The following CDH23 variants were observed in gnomAD, a reference collection of about 807,000 sequenced individuals.
CDH23 encodes cadherin related 23, also known as cadherin-23.
Under a neutral mutation model 317.1 loss-of-function variants are expected in CDH23, and 189 were observed. The ratio of observed to expected loss-of-function variants is 0.60; its 90% CI spans 0.53 to 0.67. The LOEUF is 0.67. Ranked by LOEUF, CDH23 falls within the 30% of genes least tolerant of loss-of-function variation. The pLI is 0.00. For synonymous variants in CDH23, 1,839 were observed against 1,876.8 expected (o/e 0.98, Z 0.52); for missense variants, 4,401 against 4,592.4 (o/e 0.96, Z 1.20).
intron 3 of CDH23, among the ~76,000 whole-genome samples, chr10:71,448,991 G>C (rs1381431492): frequency 6.6e-6 from 1 of 152,224 alleles, no homozygotes; most frequent in African/African-American, 2.4e-5. Flanking sequence ...TGGCTCTCAT[G>C]AACTGTTCAC....
chr10:71,595,547 G>T (rs1859783094), intron 9 of CDH23, among the ~76,000 whole-genome samples: 2 of 152,304 alleles, frequency 1.3e-5, no homozygotes, highest in South Asian at 4.1e-4. Context: ...GGGTTCACAA[G>T]TATTTGTCTC....
chr10:71,778,210 G>C lies in CDH23; in HGVS notation c.5089G>C (p.Glu1697Gln). 1 of 1,613,862 alleles carries C rather than the reference G, an allele frequency of 6.2e-7. No homozygotes were observed. Among genetic ancestry groups the C allele is most frequent in the Non-Finnish European group, 8.5e-7 (1 of 1,179,836 alleles). Residue 1697 changes from glutamate to glutamine, a missense_variant, in exon 40 of 70, where the codon GAG (glutamate) becomes CAG (glutamine). Glu to Gln is a conservative substitution (Grantham distance 29, BLOSUM62 2). This residue lies in a region of CDH23 where 3,068 missense variants were observed against 3,203.3 expected (regional missense o/e 0.96). Coordinates refer to ENST00000224721, the MANE Select transcript of CDH23 (RefSeq NM_022124.6). Reference sequence around the variant, plus strand: ...CCAGGGTGTCATCACTGCTGCCAAAGAGCTGGACTACGAGATCAGCCACGG... The same window carrying C: ...CCAGGGTGTCATCACTGCTGCCAAACAGCTGGACTACGAGATCAGCCACGG... ...RHMGVITAAK[E>Q]LDYEISHGRY...
chr10:71,484,431 A>G (rs945441006), intron 3 of CDH23, among the ~76,000 whole-genome samples: 3 of 152,152 alleles, frequency 2.0e-5, no homozygotes, highest in Non-Finnish European at 4.4e-5. Context: ...GGGCCGCAGG[A>G]TCACCTTTTT....
chr10:71,565,715 C>A (rs941483018), intron 6 of CDH23, among the ~76,000 whole-genome samples: 1 of 152,166 alleles, frequency 6.6e-6, no homozygotes, highest in African/African-American at 2.4e-5. Context: ...CACTCATGAT[C>A]TTATGTATTC....
intron 3 of CDH23, among the ~76,000 whole-genome samples, chr10:71,482,592 C>A (rs1852127107): frequency 6.6e-6 from 1 of 152,186 alleles, no homozygotes; most frequent in Non-Finnish European, 1.5e-5. Context: ...TGCCAGTGCT[C>A]AGGACCACCT....
chr10:71,667,628 G>A (rs1393492945), intron 14 of CDH23, among the ~76,000 whole-genome samples: 1 of 152,026 alleles, frequency 6.6e-6, no homozygotes, highest in African/African-American at 2.4e-5. Context: ...GAGATGACAC[G>A]AAGACACACA....
chr10:71,743,060 G>A (rs528105520), intron 38 of CDH23, among the ~76,000 whole-genome samples: 4 of 152,316 alleles, frequency 2.6e-5, no homozygotes, highest in Admixed American at 6.5e-5. Context: ...CAGCAGAGGC[G>A]TGCAAGGCCT....
intron 38 of CDH23, among the ~76,000 whole-genome samples, chr10:71,764,470 T>C (rs1427834293): frequency 3.3e-5 from 5 of 152,200 alleles, no homozygotes; most frequent in African/African-American, 9.7e-5. Flanking sequence ...TTTCATTGGA[T>C]CCTCAAAATC....
chr10:71,632,144 ATAAAC>A (rs1862042739), intron 11 of CDH23, among the ~76,000 whole-genome samples: 3 of 152,234 alleles, frequency 2.0e-5, no homozygotes, highest in Admixed American at 1.3e-4. Context: ...AATTAAGAAA[ATAAAC>A]TATAAATTAT....
At chr10:71,427,213 G>T (rs1849128342) in intron 1 of CDH23, among the ~76,000 whole-genome samples, 1 of 89,516 alleles carries the variant, frequency 1.1e-5, no homozygotes, top group Non-Finnish European at 2.2e-5. Flanking sequence ...AAGAAAGAAA[G>T]AAAGAAAGAA....
chr10:71,804,752 C>G (rs994867459), intron 55 of CDH23, among the ~76,000 whole-genome samples: 2 of 152,222 alleles, frequency 1.3e-5, no homozygotes, highest in African/African-American at 4.8e-5. Flanking sequence ...CTTCCCACCC[C>G]TCAGCTTTCA....
chr10:71,520,628 C>G (rs371397262), intron 6 of CDH23, among the ~76,000 whole-genome samples: 1 of 152,220 alleles, frequency 6.6e-6, no homozygotes, highest in African/African-American at 2.4e-5. Flanking sequence ...GATGAGGGTG[C>G]TCCCCTCTGG....
intron 1 of CDH23, among the ~76,000 whole-genome samples, chr10:71,414,860 A>G (rs1589277089): frequency 6.6e-6 from 1 of 152,236 alleles, no homozygotes; most frequent in East Asian, 1.9e-4. Flanking sequence ...TATAAAGTAC[A>G]GTTTCAATTT....
rs564764938 is a variant in CDH23, at chr10:71,558,656, G to C, written c.430-8086G>C. Reference sequence around the variant, plus strand: ...TCTTCATATATACCAGTGAGTTCACGTGTAGCTGCCTGGAAGCTTGCTGTG... The same window carrying C: ...TCTTCATATATACCAGTGAGTTCACCTGTAGCTGCCTGGAAGCTTGCTGTG... On this transcript the variant is annotated intron_variant, in intron 6 of 69. Transcript: ENST00000224721. 2.0e-5 allele frequency among the ~76,000 whole-genome samples: 3 copies of C among 152,250 alleles called. No homozygotes were observed. The East Asian group carries it at 5.8e-4, about 29-fold the overall frequency.
At chr10:71,709,342 C>G (rs1662991935) in intron 27 of CDH23, 131 bp downstream of exon 27, 2 of 719,704 alleles carry the variant, frequency 2.8e-6, no homozygotes, top group African/African-American at 3.5e-5. Flanking sequence ...CCACCAGGCA[C>G]TCACCAAACA....
chr10:71,630,853 A>G (rs1289252671), intron 11 of CDH23, among the ~76,000 whole-genome samples: 1 of 152,144 alleles, frequency 6.6e-6, no homozygotes, highest in African/African-American at 2.4e-5. Context: ...TAGAAATCCA[A>G]CCATTGGCTC....
At chr10:71,647,406 T>C (rs1862946780) in intron 14 of CDH23, among the ~76,000 whole-genome samples, 1 of 151,842 alleles carries the variant, frequency 6.6e-6, no homozygotes, top group African/African-American at 2.4e-5. Flanking sequence ...GAGGTTGCAG[T>C]GAGCCGAGAT....
At chr10:71,424,409 A>G (rs982719558) in intron 1 of CDH23, among the ~76,000 whole-genome samples, 4 of 152,208 alleles carry the variant, frequency 2.6e-5, no homozygotes, top group African/African-American at 9.7e-5. Context: ...ATCTCACACA[A>G]TTATGTGGGG....
chr10:71,812,086 A>T (rs1275086444), intron 66 of CDH23, 71 bp downstream of exon 66: 1 of 1,611,718 alleles, frequency 6.2e-7, no homozygotes, highest in East Asian at 2.2e-5. Context: ...GGAGAGCTGC[A>T]GTCTCCCAGC....
Sources: allele counts gnomAD v4.1 joint callset (sites outside exome capture counted in the v4.1 genomes callset), GRCh38; gene constraint gnomAD v4.1.1; regional missense constraint gnomAD v4.1.1; transcripts MANE v1.5; gene names NCBI Gene and HGNC (gene_info 2026-07-23, HGNC 2026-07-21).